The following SV2A variants were observed in gnomAD, a reference collection of about 807,000 sequenced individuals.
The protein encoded by SV2A is synaptic vesicle glycoprotein 2A.
In SV2A, 25 loss-of-function variants were observed where a neutral mutation model predicts 78.0. The observed-to-expected ratio is 0.32, with a 90% CI of 0.23 to 0.45. The LOEUF (loss-of-function observed/expected upper bound fraction) is 0.45, where lower values mean the gene tolerates loss of function less well. SV2A is among the 20% of genes least tolerant of loss of function. The probability of loss-of-function intolerance (pLI) is 1.00; values close to 1 mark genes in which losing one functional copy is unlikely to be tolerated. For synonymous variants in SV2A, 355 were observed against 384.7 expected (o/e 0.92, Z 0.90); for missense variants, 752 against 971.5 (o/e 0.77, Z 3.00).
chr1:149,912,355 T>C (rs1450425696), intron 2 of SV2A, among the ~76,000 whole-genome samples: 1 of 152,032 alleles, frequency 6.6e-6, no homozygotes, highest in African/African-American at 2.4e-5. Flanking sequence ...CTTTGATCCC[T>C]CAAAGCAGCA....
At position 149,913,490 on chromosome 1, in the gene SV2A, C is replaced by A. The variant is rs200889129; in HGVS notation, c.351G>T (p.Ala117=). Residue 117 remains alanine, a synonymous_variant, in exon 2 of 13, where the codon GCG becomes GCT. Transcript: ENST00000369146. ...GGKGERMADG[A]PLAGVRGGLS... is the part of the protein sequence containing the mutation. ...AGCCCCCCCTTACTCCAGCCAGGGG[C>A]GCCCCATCTGCCATCCGCTCGCCTT... 5 of 1,606,282 alleles carry A rather than the reference C, an allele frequency of 3.1e-6. No individual in the cohort carries two copies. The highest frequency in any genetic ancestry group is 4.2e-6 in the Non-Finnish European group (5 of 1,176,632).
At chr1:149,907,860 C>T (rs1553763002) in intron 9 of SV2A, 27 bp from the exon 10 acceptor site, 1 of 1,609,658 alleles carries the variant, frequency 6.2e-7, no homozygotes. Flanking sequence ...GTGAAAGACA[C>T]TCCCCCGTCA....
intron 2 of SV2A, 76 bp downstream of exon 2, chr1:149,913,143 A>G (rs1455764321): frequency 1.9e-6 from 3 of 1,548,756 alleles, no homozygotes; most frequent in Non-Finnish European, 2.6e-6. Flanking sequence ...CCCAGTGGTA[A>G]GGACAAGAGC....
At chr1:149,911,568 TGGA>T (rs2092475566) in intron 3 of SV2A, among the ~76,000 whole-genome samples, 1 of 151,846 alleles carries the variant, frequency 6.6e-6, no homozygotes, top group Non-Finnish European at 1.5e-5. Context: ...AGAGGTGGGG[TGGA>T]GGACTCAGGA....
intron 12 of SV2A, 23 bp from the exon 13 acceptor site, chr1:149,905,220 A>G (rs781987900): frequency 6.3e-7 from 1 of 1,591,476 alleles, no homozygotes; most frequent in East Asian, 2.3e-5. Context: ...CCCCCAGTGC[A>G]GCACGGCGCA....
At chr1:149,907,985 A>C (rs1247158145) in intron 9 of SV2A, 57 bp downstream of exon 9, 1 of 1,593,954 alleles carries the variant, frequency 6.3e-7, no homozygotes, top group African/African-American at 1.3e-5. Context: ...CTAGACTCAT[A>C]AAAGAGACGA....
rs1553763283 is a variant in SV2A, at chr1:149,909,183, T to A, written c.1379+9A>T. 10 of 1,612,936 alleles carry A rather than the reference T, an allele frequency of 6.2e-6. No individual in the cohort carries two copies. Among genetic ancestry groups the A allele is most frequent in the African/African-American group, 1.3e-5 (1 of 74,752 alleles). On this transcript the variant is annotated intron_variant, in intron 8 of 12. Transcript: ENST00000369146. ...CACCACACATCACCCAGCCCACCCA[T>A]CTCCTCACCTGAATGACATGGTGAA...
At chr1:149,906,103 C>T (rs2092436364) in intron 11 of SV2A, 64 bp from the exon 12 acceptor site, 1 of 1,575,958 alleles carries the variant, frequency 6.3e-7, no homozygotes, top group Non-Finnish European at 8.6e-7. Flanking sequence ...CACAGCCCAC[C>T]CTGTCCCATC....
chr1:149,915,813 C>G (rs1002660736), intron 1 of SV2A, among the ~76,000 whole-genome samples: 25 of 152,184 alleles, frequency 1.6e-4, no homozygotes, highest in African/African-American at 6.0e-4. Context: ...AGGAAGCAGG[C>G]CTAGATTCTG....
At chr1:149,905,259 G>T in intron 12 of SV2A, 62 bp from the exon 13 acceptor site, 1 of 1,485,002 alleles carries the variant, frequency 6.7e-7, no homozygotes, top group South Asian at 1.3e-5. Flanking sequence ...AAGGAAGAGT[G>T]GAGGGCAGGG....
chr1:149,906,256 A>G (rs2092437501), intron 11 of SV2A, among the ~76,000 whole-genome samples: 1 of 152,240 alleles, frequency 6.6e-6, no homozygotes, highest in South Asian at 2.1e-4. Context: ...ATTCAATGCC[A>G]GCCATGGGCC....
In SV2A at chr1:149,908,140, G is replaced by A. The variant is rs781928727; in HGVS notation, c.1446C>T (p.Ser482=). Residue 482 remains serine (S), a synonymous_variant, in exon 9 of 13, where the codon TCC becomes TCT. Transcript: ENST00000369146. Reference sequence around the variant, plus strand: ...GCTCCCCGGGGAACACTTTGGTGCGGGATGCGTAGTCCACTGCCTGGAGAT... The same window carrying A: ...GCTCCCCGGGGAACACTTTGGTGCGAGATGCGTAGTCCACTGCCTGGAGAT... ...IRHLQAVDYA[S]RTKVFPGERV... 24 of 1,614,062 alleles carry A rather than the reference G, an allele frequency of 1.5e-5. No individual in the cohort carries two copies. The African/African-American group carries it at 2.9e-4, about 20-fold the overall frequency.
chr1:149,909,727 G>T (rs1262749991), intron 6 of SV2A, 74 bp downstream of exon 6: 1 of 1,511,360 alleles, frequency 6.6e-7, no homozygotes, highest in Admixed American at 1.7e-5. Flanking sequence ...GAGGTGGGGG[G>T]TACTCAGAGA....
chr1:149,911,236 C>T lies in SV2A; in HGVS notation c.804-259G>A, dbSNP rs77160350. Among the ~76,000 whole-genome samples the T allele has an allele frequency of 3.2e-3, 487 of 151,892 alleles. 3 individuals are homozygous for T. The highest frequency in any genetic ancestry group is 0.011 in the African/African-American group (473 of 41,382). ...AAAATGAATTACAGAGTTGGAAGGG[C>T]GGGAAAGTAATTGCAGAAAAGAGAA... is the stretch of plus-strand genomic sequence containing the variant. On this transcript the variant is annotated intron_variant, in intron 3 of 12. Coordinates refer to ENST00000369146, the MANE Select transcript of SV2A (RefSeq NM_014849.5).
chr1:149,907,103 G>T (rs2092443445), intron 10 of SV2A: 4 of 544,712 alleles, frequency 7.3e-6, no homozygotes, highest in African/African-American at 2.1e-5. Context: ...AGTCTTAGCT[G>T]CTTATTCATT....
At chr1:149,907,919 T>G (rs1434903397) in intron 9 of SV2A, 86 bp from the exon 10 acceptor site, 2 of 1,575,008 alleles carry the variant, frequency 1.3e-6, no homozygotes, top group African/African-American at 2.7e-5. Flanking sequence ...AATGGGAAGC[T>G]GGGCATTGAG....
intron 1 of SV2A, among the ~76,000 whole-genome samples, chr1:149,915,238 A>C (rs980998590): frequency 1.3e-5 from 2 of 152,122 alleles, no homozygotes; most frequent in Non-Finnish European, 2.9e-5. Flanking sequence ...CTTCCTTCCT[A>C]TGATGTTGAA....
Position 149,910,197 on chromosome 1 carries a change from G to A in SV2A, c.1090-307C>T, listed in dbSNP as rs1285865238. On this transcript the variant is annotated intron_variant, in intron 5 of 12. Coordinates refer to ENST00000369146, the MANE Select transcript of SV2A (RefSeq NM_014849.5). This position sits in a 1 kb window ranked among gnomAD's most constrained non-coding sequence, Gnocchi z 4.2. ...AGTACAGAGGAATGTAAAAACCAAA[G>A]GTAAGGGAAATGATGGGCAAGCATG... Among the ~76,000 whole-genome samples, 3 of 152,186 alleles carry A rather than the reference G, an allele frequency of 2.0e-5. No individual in the cohort carries two copies. Among genetic ancestry groups the A allele is most frequent in the Non-Finnish European group, 4.4e-5 (3 of 68,042 alleles).
At position 149,905,029 on chromosome 1, in the gene SV2A, C is replaced by T; in HGVS notation, c.2214G>A (p.Gly738=). The T allele has an allele frequency of 1.2e-6, 2 of 1,610,722 alleles. No homozygotes were observed. The highest frequency in any genetic ancestry group is 1.7e-6 in the Non-Finnish European group (2 of 1,178,564). ...SLALKLPETR[G]QVLQ ...AGAGACCCCTTCACTGCAGCACCTG[C>T]CCCCGGGTCTCAGGCAGCTTCAGGG... Residue 738 remains glycine (G), a synonymous_variant, in exon 13 of 13, where the codon GGG becomes GGA. Transcript: ENST00000369146.
Sources: gnomAD v4.1 joint callset for allele counts (sites outside exome capture counted in the v4.1 genomes callset) on GRCh38, gnomAD v4.1.1 for gene constraint, Gnocchi (gnomAD v3.1) non-coding constraint, MANE v1.5 for transcripts, NCBI Gene and HGNC (gene_info 2026-07-23, HGNC 2026-07-21) for gene names.